Variants in DNM3 observed in about 807,000 individuals in gnomAD.
DNM3 encodes the protein dynamin-3.
In DNM3, 47 loss-of-function variants were observed where a neutral mutation model predicts 101.6. The ratio of observed to expected loss-of-function variants is 0.46; its 90% confidence interval spans 0.37 to 0.59. The LOEUF is 0.59. DNM3 is among the 20% of genes least tolerant of loss of function. The probability of loss-of-function intolerance (pLI) is 0.00; values close to 1 mark genes in which losing one functional copy is unlikely to be tolerated. For missense variants in DNM3, 849 were observed against 1,085.7 expected, an observed-to-expected ratio of 0.78 and a Z score of 3.06; for synonymous variants, 385 against 387.9, an observed-to-expected ratio of 0.99 and a Z score of 0.09.
intron 14 of DNM3, among the ~76,000 whole-genome samples, chr1:172,235,430 T>A (rs1258180735): frequency 1.3e-5 from 2 of 152,158 alleles, no homozygotes; most frequent in Admixed American, 1.3e-4. Context: ...ATTGTGGAAG[T>A]CAGTGTGGCG....
intron 15 of DNM3, among the ~76,000 whole-genome samples, chr1:172,263,594 T>C (rs2062748202): frequency 6.6e-6 from 1 of 152,196 alleles, no homozygotes; most frequent in African/African-American, 2.4e-5. Flanking sequence ...ACATCTTACA[T>C]GGTGGCAGGC....
intron 15 of DNM3, among the ~76,000 whole-genome samples, chr1:172,271,489 AC>A (rs747197865): frequency 4.6e-5 from 7 of 152,170 alleles, no homozygotes; most frequent in Admixed American, 6.5e-5. Context: ...ACAGCTGGAT[AC>A]CCATATCTGC....
At chr1:172,162,546 G>T (rs1460916277) in intron 14 of DNM3, among the ~76,000 whole-genome samples, 1 of 151,972 alleles carries the variant, frequency 6.6e-6, no homozygotes, top group Non-Finnish European at 1.5e-5. Flanking sequence ...TATTTCTCCT[G>T]CTTTAAACGT....
intron 17 of DNM3, among the ~76,000 whole-genome samples, chr1:172,330,694 A>G (rs2066143824): frequency 6.6e-6 from 1 of 152,154 alleles, no homozygotes; most frequent in South Asian, 2.1e-4. Context: ...TGAAATACAC[A>G]AAAAAATGAA....
intron 14 of DNM3, among the ~76,000 whole-genome samples, chr1:172,218,819 A>G (rs1327403056): frequency 6.6e-6 from 1 of 152,094 alleles, no homozygotes; most frequent in Non-Finnish European, 1.5e-5. Context: ...GTATAAGCAT[A>G]TAATATAGTG....
rs2045464038 is a variant in DNM3 at position 171,989,019 on chromosome 1, T to C, written c.460T>C (p.Tyr154His). Reference protein sequence around the residue: ...PVGDQPPDIEYQIREMIMQFI... With the variant: ...PVGDQPPDIEHQIREMIMQFI... ...GGGAGATCAGCCACCAGATATCGAG[T>C]ATCAGATCAGAGAAATGATTATGCA... The change falls in exon 4 of 21, where the codon TAT (tyrosine) becomes CAT (histidine). Residue 154 changes from tyrosine (Y) to histidine (H), a missense_variant. Tyr to His is a moderately conservative substitution (Grantham distance 83). Coordinates refer to ENST00000627582, the MANE Select transcript of DNM3 (RefSeq NM_015569.5). 9 of 1,610,414 alleles carry C rather than the reference T, an allele frequency of 5.6e-6. No homozygotes were observed. The highest frequency in any genetic ancestry group is 6.8e-6 in the Non-Finnish European group (8 of 1,178,180).
chr1:172,246,129 G>A (rs889841726), intron 14 of DNM3, among the ~76,000 whole-genome samples: 36 of 152,202 alleles, frequency 2.4e-4, no homozygotes, highest in African/African-American at 8.2e-4. Flanking sequence ...ACAGCAAGGG[G>A]GAAATCCACC....
At chr1:172,315,052 GA>G in intron 16 of DNM3, among the ~76,000 whole-genome samples, 1 of 152,134 alleles carries the variant, frequency 6.6e-6, no homozygotes, top group East Asian at 1.9e-4. Flanking sequence ...ACTTCCAGAG[GA>G]ACAATCAGAC....
At chr1:172,356,198 A>G (rs963088463) in intron 17 of DNM3, among the ~76,000 whole-genome samples, 2 of 152,180 alleles carry the variant, frequency 1.3e-5, no homozygotes, top group African/African-American at 4.8e-5. Flanking sequence ...AATGTACTTT[A>G]GGAAGAAGGA....
intron 2 of DNM3, among the ~76,000 whole-genome samples, chr1:171,923,111 A>G (rs1445554545): frequency 6.6e-6 from 1 of 152,182 alleles, no homozygotes; most frequent in East Asian, 1.9e-4. Flanking sequence ...TTAATTGTTT[A>G]AGGAACTGAC....
intron 6 of DNM3, among the ~76,000 whole-genome samples, chr1:172,035,730 C>A (rs1030055324): frequency 5.9e-5 from 9 of 152,090 alleles, no homozygotes; most frequent in Non-Finnish European, 1.3e-4. Flanking sequence ...GATTTGGGTC[C>A]TTGTCTCTTG....
intron 14 of DNM3, among the ~76,000 whole-genome samples, chr1:172,252,940 A>G (rs114037617): frequency 1.6e-3 from 244 of 152,200 alleles, no homozygotes; most frequent in African/African-American, 5.4e-3. Flanking sequence ...GAGCTCAACA[A>G]TTTTATGGAA....
Position 172,073,553 on chromosome 1 carries a change from T to C in DNM3, c.1422+4648T>C, listed in dbSNP as rs987464026. Among the ~76,000 whole-genome samples, 5 of 152,180 alleles carry C rather than the reference T, an allele frequency of 3.3e-5. No homozygotes were observed. In the East Asian group the frequency reaches 9.6e-4, roughly 29 times the overall value. On this transcript the variant is annotated intron_variant, in intron 11 of 20. Transcript: ENST00000627582. Reference sequence around the variant, plus strand: ...AACCTGGTCTTGGTTGGGTAGGGGATAAGGATCATGGATGGCTTTCTTGAG... The same window carrying C: ...AACCTGGTCTTGGTTGGGTAGGGGACAAGGATCATGGATGGCTTTCTTGAG...
chr1:171,943,323 T>G (rs530053658), intron 2 of DNM3, among the ~76,000 whole-genome samples: 2 of 152,136 alleles, frequency 1.3e-5, no homozygotes, highest in Non-Finnish European at 2.9e-5. Flanking sequence ...ATTCCAAAGT[T>G]AACCTGAGAA....
At chr1:172,037,360 A>G (rs1239883744) in intron 6 of DNM3, among the ~76,000 whole-genome samples, 1 of 152,220 alleles carries the variant, frequency 6.6e-6, no homozygotes, top group East Asian at 1.9e-4. Context: ...TTGCAGCACT[A>G]TTCACAATAG....
intron 1 of DNM3, among the ~76,000 whole-genome samples, chr1:171,917,320 G>T (rs1264762880): frequency 6.6e-6 from 1 of 152,120 alleles, no homozygotes; most frequent in Non-Finnish European, 1.5e-5. Flanking sequence ...CAGCTAGTGT[G>T]TTCTTTTTCA....
At chr1:172,114,814 G>A (rs1337778975) in intron 13 of DNM3, among the ~76,000 whole-genome samples, 3 of 152,110 alleles carry the variant, frequency 2.0e-5, no homozygotes, top group Non-Finnish European at 4.4e-5. Flanking sequence ...ACCTCCTTAG[G>A]AGTGTTGCTT....
intron 15 of DNM3, among the ~76,000 whole-genome samples, chr1:172,259,567 A>T (rs1217834686): frequency 6.6e-6 from 1 of 151,760 alleles, no homozygotes; most frequent in Non-Finnish European, 1.5e-5. Context: ...AGCTACTCCT[A>T]CTCACTTTTG....
At chr1:171,914,315 G>T (rs752345354) in intron 1 of DNM3, among the ~76,000 whole-genome samples, 1 of 151,864 alleles carries the variant, frequency 6.6e-6, no homozygotes, top group Non-Finnish European at 1.5e-5. Context: ...GCACCACCAC[G>T]CCTGGCTAAT....
Sources: allele counts gnomAD v4.1 joint callset (sites outside exome capture counted in the v4.1 genomes callset), GRCh38; gene constraint gnomAD v4.1.1; transcripts MANE v1.5; gene names NCBI Gene and HGNC (gene_info 2026-07-23, HGNC 2026-07-21).